APBA2: variants seen among roughly 807,000 people sequenced by gnomAD.
The protein encoded by APBA2 is amyloid beta precursor protein binding family A member 2, also known as amyloid-beta A4 precursor protein-binding family A member 2.
APBA2 carries 30 observed loss-of-function variants against 75.0 expected under a neutral mutation model. That is an observed-to-expected ratio of 0.40 (90% CI 0.30 to 0.54). The LOEUF is 0.54. Ranked by LOEUF, APBA2 falls within the 20% of genes least tolerant of loss-of-function variation. The pLI is 0.49. For missense variants in APBA2, 801 were observed against 1,016.1 expected, an observed-to-expected ratio of 0.79 and a Z score of 2.88; for synonymous variants, 444 against 409.6, an observed-to-expected ratio of 1.08 and a Z score of -1.01.
At position 29,094,325 on chromosome 15, in the gene APBA2, C is replaced by G. The variant is rs1296593884; in HGVS notation, c.1251+12C>G. On this transcript the variant is annotated intron_variant, in intron 8 of 14. Transcript: ENST00000683413. The stretch of plus-strand genomic sequence containing the variant: ...TCAAGAAAAAAGCGGTGTGTAGGGC[C>G]TTGAGGCCCTGGGACAGTGTTGTTT... 1 of 1,613,446 alleles carries G rather than the reference C, an allele frequency of 6.2e-7. No homozygotes were observed.
chr15:28,967,461 T>C (rs530565627), intron 2 of APBA2, among the ~76,000 whole-genome samples: 259 of 152,258 alleles, frequency 1.7e-3, no homozygotes, highest in African/African-American at 6.1e-3. Flanking sequence ...TATTTTGAGA[T>C]GGAGTCTCGC....
intron 3 of APBA2, among the ~76,000 whole-genome samples, chr15:29,031,018 C>G (rs556929933): frequency 4.5e-4 from 68 of 151,740 alleles, no homozygotes; most frequent in African/African-American, 1.6e-3. Context: ...TCCTTTTATG[C>G]CTTTGCATAC....
At chr15:28,925,973 G>A (rs554806440) in intron 2 of APBA2, among the ~76,000 whole-genome samples, 8 of 152,192 alleles carry the variant, frequency 5.3e-5, no homozygotes, top group African/African-American at 1.9e-4. Flanking sequence ...AGTCTGCTTT[G>A]TCTGAAATTA....
intron 12 of APBA2, among the ~76,000 whole-genome samples, chr15:29,107,284 G>A (rs1467193011): frequency 6.6e-6 from 1 of 152,206 alleles, no homozygotes; most frequent in South Asian, 2.1e-4. Flanking sequence ...CTGACCGTCA[G>A]ACTCGTGAGC....
Position 28,999,246 on chromosome 15 carries a change from C to T in APBA2, c.-41+3440C>T, listed in dbSNP as rs141616359. On this transcript the variant is annotated intron_variant, in intron 3 of 14. Transcript: ENST00000683413. Reference sequence around the variant, plus strand: ...GCTCTTGAGGTGGGAAACATACACACATCATAAAAGAAAAGATGGATTAAT... The same window carrying T: ...GCTCTTGAGGTGGGAAACATACACATATCATAAAAGAAAAGATGGATTAAT... Among the ~76,000 whole-genome samples, 17 of 151,858 alleles carry T rather than the reference C, an allele frequency of 1.1e-4. No homozygotes were observed. In the East Asian group the frequency reaches 3.3e-3, roughly 29 times the overall value.
At chr15:28,919,252 G>A (rs1375736523) in intron 1 of APBA2, 3 of 152,420 alleles carry the variant, frequency 2.0e-5, no homozygotes, top group African/African-American at 7.2e-5. Flanking sequence ...CGAGTCAAGG[G>A]AAGGAGGCAG....
intron 13 of APBA2, 57 bp downstream of exon 13, chr15:29,108,446 G>A (rs1336877338): frequency 1.9e-6 from 3 of 1,612,606 alleles, no homozygotes; most frequent in Admixed American, 1.7e-5. Flanking sequence ...CAGGGAGGGG[G>A]AGCAGCTCCC....
chr15:29,034,630 A>G (rs1182986220), intron 3 of APBA2, among the ~76,000 whole-genome samples: 1 of 152,228 alleles, frequency 6.6e-6, no homozygotes, highest in Non-Finnish European at 1.5e-5. Context: ...CTTGGAACCA[A>G]TGTCAGTTTT....
intron 6 of APBA2, among the ~76,000 whole-genome samples, chr15:29,083,864 A>G (rs1170457774): frequency 6.6e-6 from 1 of 152,296 alleles, no homozygotes; most frequent in African/African-American, 2.4e-5. Flanking sequence ...TTTATTAGGC[A>G]TGCTTAAAGT....
intron 1 of APBA2, among the ~76,000 whole-genome samples, chr15:28,886,889 T>C (rs560441801): frequency 3.9e-4 from 59 of 152,316 alleles, no homozygotes; most frequent in Non-Finnish European, 7.1e-4. Flanking sequence ...CCCTTCCCCA[T>C]GGCAGGCACT....
At chr15:28,993,177 C>A (rs57383781) in intron 2 of APBA2, among the ~76,000 whole-genome samples, 1 of 152,140 alleles carries the variant, frequency 6.6e-6, no homozygotes, top group African/African-American at 2.4e-5. Flanking sequence ...GGCTCACTTA[C>A]GACTCAGAGT....
intron 3 of APBA2, among the ~76,000 whole-genome samples, chr15:29,017,384 C>G (rs2039716152): frequency 7.1e-6 from 1 of 141,180 alleles, no homozygotes; most frequent in Non-Finnish European, 1.5e-5. Flanking sequence ...TTTCCATCTT[C>G]TTTTCTTTCT....
intron 1 of APBA2, among the ~76,000 whole-genome samples, chr15:28,919,730 C>A (rs79197791): frequency 0.031 from 4,779 of 152,258 alleles, 211 homozygotes; most frequent in African/African-American, 0.1. Context: ...CTGAGGGCAA[C>A]CTCTGCATTT....
intron 1 of APBA2, among the ~76,000 whole-genome samples, chr15:28,916,889 A>G (rs1216663706): frequency 1.3e-5 from 2 of 152,316 alleles, no homozygotes; most frequent in African/African-American, 4.8e-5. Flanking sequence ...CATTTTTTAT[A>G]CATGTGAGTC....
At chr15:29,108,602 G>T in intron 13 of APBA2, 1 of 708,986 alleles carries the variant, frequency 1.4e-6, no homozygotes, top group Non-Finnish European at 2.3e-6. Context: ...CATGGCCGTG[G>T]ATTGGGCCCC....
At chr15:29,002,401 C>A (rs532911360) in intron 3 of APBA2, among the ~76,000 whole-genome samples, 1 of 152,150 alleles carries the variant, frequency 6.6e-6, no homozygotes, top group Non-Finnish European at 1.5e-5. Flanking sequence ...TTGGGCAAAT[C>A]GCTTAATCTC....
chr15:29,093,337 AG>A, intron 7 of APBA2, 117 bp downstream of exon 7: 2 of 1,442,120 alleles, frequency 1.4e-6, no homozygotes, highest in Non-Finnish European at 1.9e-6. Flanking sequence ...CCCTCAGCAC[AG>A]GGGGCAGGAG....
intron 1 of APBA2, among the ~76,000 whole-genome samples, chr15:28,913,299 G>A (rs372488326): frequency 1.9e-4 from 29 of 152,302 alleles, no homozygotes; most frequent in African/African-American, 7.0e-4. Flanking sequence ...AGGAGCAGGC[G>A]GGGCAGCATC....
At position 28,908,315 on chromosome 15, in the gene APBA2, G is replaced by GTTTTTTTTTTTTTTTTTTTTTT. The variant is rs765084356; in HGVS notation, c.-204-13312_-204-13311insTTTTTTTTTTTTTTTTTTTTTT. Among the ~76,000 whole-genome samples, 92 of 137,518 alleles carry GTTTTTTTTTTTTTTTTTTTTTT rather than the reference G, an allele frequency of 6.7e-4. 11 individuals are homozygous for GTTTTTTTTTTTTTTTTTTTTTT. The highest frequency in any genetic ancestry group is 2.7e-3 in the African/African-American group (91 of 33,112). 90.2% of individuals were successfully genotyped at this position (137,518 alleles called of 152,430 possible). ...TTGTTTTTGTTTGTTTTGTTTTCTTGTTTTTTTTTTTTTGAGACAGAGTCT... is the reference window on the plus strand; with the variant it reads ...TTGTTTTTGTTTGTTTTGTTTTCTTGTTTTTTTTTTTTTTTTTTTTTTTTTTTTTTTTTTTGAGACAGAGTCT... On this transcript the variant is annotated intron_variant, in intron 1 of 14. Coordinates refer to ENST00000683413, the MANE Select transcript of APBA2 (RefSeq NM_001353788.2).
Sources: allele counts gnomAD v4.1 joint callset (sites outside exome capture counted in the v4.1 genomes callset), GRCh38; gene constraint gnomAD v4.1.1; transcripts MANE v1.5; gene names NCBI Gene and HGNC (gene_info 2026-07-23, HGNC 2026-07-21).